The following RAB43 variants were observed in gnomAD, a reference collection of about 807,000 sequenced individuals.
RAB43 encodes ras-related protein Rab-43.
A neutral mutation model predicts 18.8 loss-of-function variants in RAB43; 6 were observed. That is an observed-to-expected ratio of 0.32 (90% CI 0.17 to 0.63). The LOEUF (loss-of-function observed/expected upper bound fraction) is 0.63, where lower values mean the gene tolerates loss of function less well. RAB43 is among the 30% of genes least tolerant of loss of function. The pLI is 0.79. For missense variants in RAB43, 195 were observed against 289.1 expected, an observed-to-expected ratio of 0.67 and a Z score of 2.36; for synonymous variants, 103 against 124.1, an observed-to-expected ratio of 0.83 and a Z score of 1.13.
chr3:129,087,570 G>A (rs1370200183), downstream of RAB43: 1 of 152,214 alleles, frequency 6.6e-6, no homozygotes, highest in African/African-American at 2.4e-5. Context: ...TGGGCGCAGT[G>A]GCTTGTTATA....
intron 1 of RAB43, among the ~76,000 whole-genome samples, chr3:129,100,075 G>C (rs1576825108): frequency 1.3e-5 from 2 of 152,134 alleles, no homozygotes; most frequent in East Asian, 3.9e-4. Context: ...GCAGATCACA[G>C]TCAAAATGAC....
intron 1 of RAB43, among the ~76,000 whole-genome samples, chr3:129,106,944 G>A (rs1934823043): frequency 6.6e-6 from 1 of 152,204 alleles, no homozygotes; most frequent in Non-Finnish European, 1.5e-5. Flanking sequence ...GGATGGCCCT[G>A]TCAGCTTCTC....
rs567873548 is a variant in RAB43, at chr3:129,119,853, G to A, written c.204+1433C>T. On this transcript the variant is annotated intron_variant, in intron 1 of 2. Coordinates refer to ENST00000315150, the MANE Select transcript of RAB43 (RefSeq NM_198490.3). ...ACCACAGACACTCCAGACACAGACC[G>A]ATAGCACATGAGGAGGACACCACTG... Among the ~76,000 whole-genome samples the A allele has an allele frequency of 4.1e-4, 62 of 152,222 alleles. 1 individual carries two copies. In the South Asian group the frequency reaches 0.012, roughly 31 times the overall value.
Position 129,109,741 on chromosome 3 carries a change from A to G in RAB43, c.204+11545T>C, listed in dbSNP as rs1041604035. ...CAGGCGACAGTGAGAGACTCCATCT[A>G]AAATAATAATAATAATAATAATAAT... On this transcript the variant is annotated intron_variant, in intron 1 of 2. Coordinates refer to ENST00000315150, the MANE Select transcript of RAB43 (RefSeq NM_198490.3). Among the ~76,000 whole-genome samples the G allele has an allele frequency of 4.6e-5, 7 of 151,372 alleles. No individual in the cohort carries two copies. In the East Asian group the frequency reaches 9.7e-4, roughly 21 times the overall value.
intron 1 of RAB43, among the ~76,000 whole-genome samples, chr3:129,120,809 A>T (rs1935854802): frequency 6.6e-6 from 1 of 152,148 alleles, no homozygotes; most frequent in South Asian, 2.1e-4. Context: ...CCTAAAAGCA[A>T]CTACTTCCTG....
chr3:129,109,582 C>CA (rs1214978235), intron 1 of RAB43, among the ~76,000 whole-genome samples: 12 of 140,008 alleles, frequency 8.6e-5, no homozygotes, highest in Non-Finnish European at 1.2e-4. Context: ...ACTAAAAATA[C>CA]AAAAAAAAAT....
At chr3:129,102,361 T>A (rs574502066) in intron 1 of RAB43, among the ~76,000 whole-genome samples, 1 of 152,270 alleles carries the variant, frequency 6.6e-6, no homozygotes, top group Non-Finnish European at 1.5e-5. Flanking sequence ...CCAGGCATGG[T>A]GGCTCACACC....
At chr3:129,099,250 C>T (rs899093826) in intron 1 of RAB43, among the ~76,000 whole-genome samples, 3 of 151,416 alleles carry the variant, frequency 2.0e-5, no homozygotes, top group African/African-American at 7.3e-5. Context: ...CACCACCATG[C>T]CCAGCTAATT....
intron 1 of RAB43, among the ~76,000 whole-genome samples, chr3:129,105,946 C>CAATACTTGCA (rs1645373181): frequency 6.6e-6 from 1 of 152,174 alleles, no homozygotes; most frequent in Middle Eastern, 3.2e-3. Flanking sequence ...TTGGCACCAT[C>CAATACTTGCA]AATACTTGCA....
chr3:129,111,097 G>A (rs764223267), intron 1 of RAB43, among the ~76,000 whole-genome samples: 7 of 152,042 alleles, frequency 4.6e-5, no homozygotes, highest in South Asian at 4.1e-4. Flanking sequence ...GGGACTCCTC[G>A]AATTCCTAGG....
intron 1 of RAB43, among the ~76,000 whole-genome samples, chr3:129,106,057 G>C (rs1178604680): frequency 2.0e-5 from 3 of 152,170 alleles, no homozygotes; most frequent in African/African-American, 7.2e-5. Context: ...GCTTTCCAGG[G>C]ATTCCTAGTT....
intron 1 of RAB43, among the ~76,000 whole-genome samples, chr3:129,112,397 G>A (rs1935232443): frequency 6.6e-6 from 1 of 152,110 alleles, no homozygotes; most frequent in Non-Finnish European, 1.5e-5. Context: ...GGGCATGGAG[G>A]TTATCTGGCT....
intron 1 of RAB43, among the ~76,000 whole-genome samples, chr3:129,119,489 G>A (rs755992018): frequency 3.3e-5 from 5 of 152,172 alleles, no homozygotes; most frequent in Non-Finnish European, 7.4e-5. Flanking sequence ...TGTGTGCCCA[G>A]GCTCCATCCT....
intron 1 of RAB43, among the ~76,000 whole-genome samples, chr3:129,113,416 G>A (rs1935297244): frequency 6.6e-6 from 1 of 151,762 alleles, no homozygotes; most frequent in African/African-American, 2.4e-5. Context: ...GGCCCGCCTC[G>A]GCCTCCCAAA....
intron 1 of RAB43, among the ~76,000 whole-genome samples, chr3:129,115,827 A>G (rs1379068401): frequency 2.0e-5 from 3 of 152,190 alleles, no homozygotes; most frequent in African/African-American, 7.2e-5. Flanking sequence ...TCTCAAAAAA[A>G]CAAATAAAAA....
rs1274983666 is a variant in RAB43 at position 129,107,285 on chromosome 3, C to T, written c.205-12116G>A. On this transcript the variant is annotated intron_variant, in intron 1 of 2. Transcript: ENST00000315150. This position sits in a 1 kb window ranked among gnomAD's most constrained non-coding sequence, Gnocchi z 4.2. Reference sequence around the variant, plus strand: ...CTGCTTCCAAGAAATCTCACTGCCACTGGCACCTCCTGCAGGAATCAAACC... The same window carrying T: ...CTGCTTCCAAGAAATCTCACTGCCATTGGCACCTCCTGCAGGAATCAAACC... 1.3e-5 allele frequency among the ~76,000 whole-genome samples: 2 copies of T among 152,208 alleles called. No individual in the cohort carries two copies. The highest frequency in any genetic ancestry group is 2.4e-5 in the African/African-American group (1 of 41,456).
Position 129,107,806 on chromosome 3 carries a change from T to A in RAB43, c.205-12637A>T, listed in dbSNP as rs191252647. 6.6e-6 allele frequency among the ~76,000 whole-genome samples: 1 copy of A among 151,826 alleles called. No homozygotes were observed. Among genetic ancestry groups the A allele is most frequent in the Non-Finnish European group, 1.5e-5 (1 of 67,958 alleles). ...CTGAACAACCCCAACCCTCAAACCA[T>A]CCCTCCAGTTCCCTGCTACTTTGGT... On this transcript the variant is annotated intron_variant, in intron 1 of 2. Transcript: ENST00000315150. This position sits in a 1 kb window ranked among gnomAD's most constrained non-coding sequence, Gnocchi z 4.2.
chr3:129,114,651 G>A (rs1935405643), intron 1 of RAB43, among the ~76,000 whole-genome samples: 1 of 152,302 alleles, frequency 6.6e-6, no homozygotes, highest in African/African-American at 2.4e-5. Flanking sequence ...CACAGCCCGA[G>A]CACTACACAA....
chr3:129,120,683 G>C (rs1348960784), intron 1 of RAB43, among the ~76,000 whole-genome samples: 1 of 152,216 alleles, frequency 6.6e-6, no homozygotes, highest in Non-Finnish European at 1.5e-5. Context: ...CTCCAGCTGG[G>C]GGAGGGAACC....
Sources: gnomAD v4.1 joint callset for allele counts (sites outside exome capture counted in the v4.1 genomes callset) on GRCh38, gnomAD v4.1.1 for gene constraint, Gnocchi (gnomAD v3.1) non-coding constraint, MANE v1.5 for transcripts, NCBI Gene and HGNC (gene_info 2026-07-23, HGNC 2026-07-21) for gene names.